The following ADAMTS17 variants were observed in gnomAD, a reference collection of about 807,000 sequenced individuals.
The protein encoded by ADAMTS17 is A disintegrin and metalloproteinase with thrombospondin motifs 17.
In ADAMTS17, 113 loss-of-function variants were observed where a neutral mutation model predicts 141.5. The ratio of observed to expected loss-of-function variants is 0.80; its 90% CI spans 0.69 to 0.93. The LOEUF (loss-of-function observed/expected upper bound fraction) is 0.93. ADAMTS17 is among the 40% of genes least tolerant of loss of function. ADAMTS17 has a pLI of 0.00. For missense variants in ADAMTS17, 1,659 were observed against 1,517.9 expected (o/e 1.09, Z -1.54); for synonymous variants, 768 against 630.6 (o/e 1.22, Z -3.27).
At chr15:100,113,197 G>A (rs956080117) in intron 13 of ADAMTS17, among the ~76,000 whole-genome samples, 4 of 152,132 alleles carry the variant, frequency 2.6e-5, no homozygotes, top group African/African-American at 7.2e-5. Flanking sequence ...CTGGGAACTC[G>A]GTACTGAAAT....
intron 20 of ADAMTS17, among the ~76,000 whole-genome samples, chr15:99,984,883 T>C (rs2060553838): frequency 6.6e-6 from 1 of 152,200 alleles, no homozygotes; most frequent in South Asian, 2.1e-4. Flanking sequence ...CGCTCTCTGA[T>C]CTCTCACTCC....
intron 8 of ADAMTS17, among the ~76,000 whole-genome samples, chr15:100,156,404 C>A (rs142231179): frequency 6.6e-6 from 1 of 152,186 alleles, no homozygotes; most frequent in Non-Finnish European, 1.5e-5. Context: ...CCAACTCCCA[C>A]GTGGAGTTGG....
chr15:100,258,555 G>A (rs2043407778), intron 6 of ADAMTS17, among the ~76,000 whole-genome samples: 2 of 152,278 alleles, frequency 1.3e-5, no homozygotes, highest in East Asian at 1.9e-4. Flanking sequence ...CAGCAGGCAG[G>A]GGAAGAGAGC....
chr15:100,241,428 G>A (rs1007504508), intron 7 of ADAMTS17, among the ~76,000 whole-genome samples: 4 of 152,192 alleles, frequency 2.6e-5, no homozygotes, highest in African/African-American at 9.7e-5. Context: ...GCAGGATCTT[G>A]TAGAAACACA....
intron 7 of ADAMTS17, among the ~76,000 whole-genome samples, chr15:100,230,734 A>C (rs1388405154): frequency 1.3e-5 from 2 of 152,234 alleles, no homozygotes; most frequent in Non-Finnish European, 2.9e-5. Flanking sequence ...AAATGAAGGC[A>C]CCAATAGTGG....
At chr15:100,187,763 G>C (rs1016765715) in intron 8 of ADAMTS17, among the ~76,000 whole-genome samples, 2 of 152,184 alleles carry the variant, frequency 1.3e-5, no homozygotes, top group Non-Finnish European at 2.9e-5. Flanking sequence ...CTGGCAGTGA[G>C]GGTGGGAAGA....
chr15:100,130,312 C>T (rs1313586123), intron 12 of ADAMTS17, among the ~76,000 whole-genome samples: 12 of 149,866 alleles, frequency 8.0e-5, no homozygotes, highest in African/African-American at 2.5e-4. Flanking sequence ...TGCAGTGAGC[C>T]GAGACTGGGC....
rs951738608 is a variant in ADAMTS17, at chr15:100,261,631, C to T, written c.879G>A (p.Lys293=). The T allele has an allele frequency of 6.8e-6, 11 of 1,613,630 alleles. No homozygotes were observed. Among genetic ancestry groups the T allele is most frequent in the Non-Finnish European group, 7.6e-6 (9 of 1,179,852 alleles). The part of the protein sequence containing the change: ...KLVLLRQRPA[K]LSIGHHGERS... ...GCTCACCATGGTGCCCAATGGACAA[C>T]TTAGCCTAAAAAAAGTCAGAGGACA... Residue 293 remains lysine, a synonymous_variant, in exon 6 of 22, where the codon AAG becomes AAA. Coordinates refer to ENST00000268070, the MANE Select transcript of ADAMTS17 (RefSeq NM_139057.4).
At chr15:100,191,546 C>T (rs1031403279) in intron 8 of ADAMTS17, among the ~76,000 whole-genome samples, 3 of 152,194 alleles carry the variant, frequency 2.0e-5, no homozygotes, top group African/African-American at 4.8e-5. Context: ...GAAGAAATGT[C>T]GTCGCCTCGC....
intron 15 of ADAMTS17, among the ~76,000 whole-genome samples, chr15:100,088,409 C>T (rs2035242488): frequency 6.6e-6 from 1 of 152,190 alleles, no homozygotes; most frequent in South Asian, 2.1e-4. Flanking sequence ...AATGGCCATA[C>T]TGCCCAAGGT....
intron 15 of ADAMTS17, among the ~76,000 whole-genome samples, chr15:100,088,333 A>T (rs2035237910): frequency 6.6e-6 from 1 of 152,102 alleles, no homozygotes; most frequent in African/African-American, 2.4e-5. Context: ...TCAATGAAAT[A>T]AAAGAGGATA....
At chr15:100,040,273 C>G (rs1242503803) in intron 18 of ADAMTS17, among the ~76,000 whole-genome samples, 1 of 152,226 alleles carries the variant, frequency 6.6e-6, no homozygotes. Flanking sequence ...AACCCTTCCA[C>G]TGTTGCCCTT....
chr15:100,158,683 G>A (rs758427012), intron 8 of ADAMTS17, among the ~76,000 whole-genome samples: 25 of 152,158 alleles, frequency 1.6e-4, no homozygotes, highest in Non-Finnish European at 2.5e-4. Flanking sequence ...GAATCCTGCA[G>A]TATTTTTCCT....
At chr15:100,067,125 TAA>T (rs1489975434) in intron 15 of ADAMTS17, among the ~76,000 whole-genome samples, 5 of 152,180 alleles carry the variant, frequency 3.3e-5, no homozygotes, top group Non-Finnish European at 5.9e-5. Context: ...GCCATCCTTC[TAA>T]GTGTCGTTCC....
chr15:100,020,866 T>G (rs2061394399), intron 18 of ADAMTS17, among the ~76,000 whole-genome samples: 2 of 152,180 alleles, frequency 1.3e-5, no homozygotes, highest in South Asian at 4.1e-4. Flanking sequence ...CGTGTCATAA[T>G]CATCTTTAGT....
chr15:100,248,359 T>A (rs2043050376), intron 7 of ADAMTS17, among the ~76,000 whole-genome samples: 1 of 152,174 alleles, frequency 6.6e-6, no homozygotes, highest in South Asian at 2.1e-4. Context: ...CTCAGACACC[T>A]GCCTAGCCAG....
At chr15:100,049,120 T>A in intron 17 of ADAMTS17, 128 bp from the exon 18 acceptor site, 1 of 1,390,898 alleles carries the variant, frequency 7.2e-7, no homozygotes, top group Non-Finnish European at 1.0e-6. Context: ...GTGACTGCTG[T>A]AAATGTCATG....
chr15:100,070,102 A>T (rs2033860410), intron 15 of ADAMTS17, among the ~76,000 whole-genome samples: 1 of 150,268 alleles, frequency 6.7e-6, no homozygotes, highest in African/African-American at 2.5e-5. Context: ...TCCTAGTCTG[A>T]TAAAACAGAC....
At chr15:100,330,373 G>A (rs2046013723) in intron 3 of ADAMTS17, among the ~76,000 whole-genome samples, 1 of 152,174 alleles carries the variant, frequency 6.6e-6, no homozygotes, top group Admixed American at 6.5e-5. Flanking sequence ...CCTCCCCCAG[G>A]GTTTCTGATT....
Sources: allele counts gnomAD v4.1 joint callset (sites outside exome capture counted in the v4.1 genomes callset), GRCh38; gene constraint gnomAD v4.1.1; transcripts MANE v1.5; gene names NCBI Gene and HGNC (gene_info 2026-07-23, HGNC 2026-07-21).